The following PDE3B variants were observed in gnomAD, a reference collection of about 807,000 sequenced individuals.
The protein encoded by PDE3B is cGMP-inhibited 3',5'-cyclic phosphodiesterase 3B.
A neutral mutation model predicts 116.8 loss-of-function variants in PDE3B; 66 were observed. The ratio of observed to expected loss-of-function variants is 0.56; its 90% CI spans 0.46 to 0.69. The LOEUF (loss-of-function observed/expected upper bound fraction) is 0.69, where lower values mean the gene tolerates loss of function less well. Among genes scored for constraint, PDE3B ranks in the 30% least tolerant of loss-of-function variants. The probability of loss-of-function intolerance (pLI) is 0.00; values close to 1 mark genes in which losing one functional copy is unlikely to be tolerated. For missense variants in PDE3B, 1,384 were observed against 1,368.1 expected, an observed-to-expected ratio of 1.01 and a Z score of -0.18; for synonymous variants, 595 against 533.6, an observed-to-expected ratio of 1.12 and a Z score of -1.59.
chr11:14,825,169 C>G (rs961098306), intron 7 of PDE3B, among the ~76,000 whole-genome samples: 1 of 152,074 alleles, frequency 6.6e-6, no homozygotes, highest in Non-Finnish European at 1.5e-5. Context: ...AGAACCATTA[C>G]CAGGCAATAC....
chr11:14,749,140 C>T (rs994950916), intron 1 of PDE3B, among the ~76,000 whole-genome samples: 1 of 152,158 alleles, frequency 6.6e-6, no homozygotes, highest in Admixed American at 6.5e-5. Flanking sequence ...GCACCTGCCT[C>T]GGCTTCCCAA....
chr11:14,808,785 A>T (rs1475694853), intron 5 of PDE3B, among the ~76,000 whole-genome samples: 1 of 152,228 alleles, frequency 6.6e-6, no homozygotes, highest in African/African-American at 2.4e-5. Context: ...GCATTGAAAA[A>T]ATCTTTGAAA....
rs558284876 is a variant in PDE3B at position 14,675,152 on chromosome 11, T to C, written c.978+30099T>C. Reference sequence around the variant, plus strand: ...GAACTGAAGTTCTCAGAGTTGGAGTTGAGGATGAAAAGCTGCTTTAGAACC... The same window carrying C: ...GAACTGAAGTTCTCAGAGTTGGAGTCGAGGATGAAAAGCTGCTTTAGAACC... On this transcript the variant is annotated intron_variant, in intron 1 of 15. Transcript: ENST00000282096. Among the ~76,000 whole-genome samples, 3 of 152,288 alleles carry C rather than the reference T, an allele frequency of 2.0e-5. No individual in the cohort carries two copies. The East Asian group carries it at 5.8e-4, about 29-fold the overall frequency.
the PDE3B span, chr11:14,880,079 A>G: frequency 8.8e-6 from 14 of 1,585,968 alleles, no homozygotes; most frequent in African/African-American, 1.4e-5. Context: ...AGACTCAAAA[A>G]CATGTATGAA....
chr11:14,722,538 A>T lies in PDE3B; in HGVS notation c.979-49399A>T, dbSNP rs571052914. The stretch of plus-strand genomic sequence containing the variant: ...TTTGTTGAGTAGTATAGTGGACGGC[A>T]TCGTTTAATAGCAATTTTACAAATA... On this transcript the variant is annotated intron_variant, in intron 1 of 15. Coordinates refer to ENST00000282096, the MANE Select transcript of PDE3B (RefSeq NM_000922.4). 4.6e-5 allele frequency among the ~76,000 whole-genome samples: 7 copies of T among 152,332 alleles called. No homozygotes were observed. In the East Asian group the frequency reaches 1.2e-3, roughly 25 times the overall value.
At chr11:14,731,550 G>T (rs1291677145) in intron 1 of PDE3B, among the ~76,000 whole-genome samples, 3 of 152,112 alleles carry the variant, frequency 2.0e-5, no homozygotes, top group South Asian at 4.1e-4. Flanking sequence ...GAGCCACCAC[G>T]CCTGGCCTTT....
intron 1 of PDE3B, among the ~76,000 whole-genome samples, chr11:14,765,184 T>C (rs1857465320): frequency 6.6e-6 from 1 of 152,002 alleles, no homozygotes; most frequent in African/African-American, 2.4e-5. Context: ...TGGGAGAATA[T>C]AGGATGCTGT....
At chr11:14,687,630 C>G (rs953290293) in intron 1 of PDE3B, among the ~76,000 whole-genome samples, 6 of 152,012 alleles carry the variant, frequency 3.9e-5, no homozygotes, top group African/African-American at 7.3e-5. Context: ...TGGCAAGTTC[C>G]CAGGGGAACT....
the PDE3B span, among the ~76,000 whole-genome samples, chr11:14,881,479 T>G: frequency 1.3e-5 from 2 of 152,144 alleles, no homozygotes; most frequent in African/African-American, 4.8e-5. Context: ...TAACATGTAC[T>G]TTACTCAAAA....
chr11:14,763,957 A>G (rs1453325266), intron 1 of PDE3B, among the ~76,000 whole-genome samples: 2 of 152,144 alleles, frequency 1.3e-5, no homozygotes, highest in Non-Finnish European at 2.9e-5. Context: ...CCAGCAAGAA[A>G]TAAAATTCAC....
chr11:14,744,283 A>G (rs1413161634), intron 1 of PDE3B, among the ~76,000 whole-genome samples: 1 of 152,074 alleles, frequency 6.6e-6, no homozygotes, highest in Non-Finnish European at 1.5e-5. Flanking sequence ...TGTTCTTAAA[A>G]TTCTGTATGA....
At chr11:14,790,996 T>TG (rs1858367239) in intron 4 of PDE3B, among the ~76,000 whole-genome samples, 2 of 152,148 alleles carry the variant, frequency 1.3e-5, no homozygotes, top group South Asian at 4.1e-4. Flanking sequence ...TAGCTACATG[T>TG]GACTGTTAAT....
At chr11:14,893,435 C>G in the PDE3B span, among the ~76,000 whole-genome samples, 1 of 152,166 alleles carries the variant, frequency 6.6e-6, no homozygotes, top group African/African-American at 2.4e-5. Context: ...AAATTACCAC[C>G]AATCTGATGG....
chr11:14,750,359 T>C (rs958543204), intron 1 of PDE3B, among the ~76,000 whole-genome samples: 2 of 151,904 alleles, frequency 1.3e-5, no homozygotes, highest in African/African-American at 4.8e-5. Flanking sequence ...TGAATGAGAG[T>C]TTATGATTAT....
chr11:14,840,043 C>T (rs1860173562), intron 11 of PDE3B, among the ~76,000 whole-genome samples: 1 of 152,102 alleles, frequency 6.6e-6, no homozygotes, highest in African/African-American at 2.4e-5. Flanking sequence ...AGTACTATTG[C>T]TCCAAAATAC....
intron 14 of PDE3B, among the ~76,000 whole-genome samples, chr11:14,865,737 A>C (rs1180197048): frequency 6.6e-6 from 1 of 152,152 alleles, no homozygotes; most frequent in African/African-American, 2.4e-5. Flanking sequence ...CTCAGTGATA[A>C]TTGAAACTTG....
At chr11:14,892,642 T>C in the PDE3B span, among the ~76,000 whole-genome samples, 1 of 152,198 alleles carries the variant, frequency 6.6e-6, no homozygotes, top group Non-Finnish European at 1.5e-5. Context: ...AACACTGCAG[T>C]CTTTAGCTGA....
chr11:14,744,595 A>G (rs1217038462), intron 1 of PDE3B, among the ~76,000 whole-genome samples: 1 of 152,212 alleles, frequency 6.6e-6, no homozygotes, highest in African/African-American at 2.4e-5. Context: ...TATATCTCCC[A>G]TCTCAGTTCT....
In PDE3B at chr11:14,692,303, T is replaced by C. The variant is rs779833549; in HGVS notation, c.978+47250T>C. On this transcript the variant is annotated intron_variant, in intron 1 of 15. Transcript: ENST00000282096. ...AATGATATATATAATAATAATAGTA[T>C]CTACACCATAGGTTTGTTGCATGGT... is the stretch of plus-strand genomic sequence containing the variant. Among the ~76,000 whole-genome samples the C allele has an allele frequency of 4.6e-5, 7 of 152,126 alleles. No homozygotes were observed. In the East Asian group the frequency reaches 1.4e-3, roughly 29 times the overall value.
Sources: allele counts gnomAD v4.1 joint callset (sites outside exome capture counted in the v4.1 genomes callset), GRCh38; gene constraint gnomAD v4.1.1; transcripts MANE v1.5; gene names NCBI Gene and HGNC (gene_info 2026-07-23, HGNC 2026-07-21).